STK32B: variants seen among roughly 807,000 people sequenced by gnomAD.
STK32B encodes serine/threonine-protein kinase 32B.
Under a neutral mutation model 52.6 loss-of-function variants are expected in STK32B, and 43 were observed. The ratio of observed to expected loss-of-function variants is 0.82; its 90% CI spans 0.64 to 1.05. The LOEUF is 1.05. Among genes scored for constraint, STK32B ranks in the 50% least tolerant of loss-of-function variants. The pLI, the probability that STK32B is intolerant of heterozygous loss-of-function variation, is 0.00. For synonymous variants in STK32B, 238 were observed against 204.3 expected (o/e 1.17, Z -1.41); for missense variants, 621 against 534.6 (o/e 1.16, Z -1.59).
At chr4:5,457,827 G>T (rs1005899743) in intron 8 of STK32B, among the ~76,000 whole-genome samples, 1 of 148,534 alleles carries the variant, frequency 6.7e-6, no homozygotes, top group Non-Finnish European at 1.5e-5. Flanking sequence ...AGCCAAGATC[G>T]CACCATTGCA....
intron 3 of STK32B, among the ~76,000 whole-genome samples, chr4:5,319,300 C>G (rs28638108): frequency 0.013 from 2,036 of 152,272 alleles, 23 homozygotes; most frequent in South Asian, 0.057. Flanking sequence ...GGTTTGTGTG[C>G]TCTCCTGAAT....
intron 3 of STK32B, among the ~76,000 whole-genome samples, chr4:5,311,131 G>A (rs1157343275): frequency 6.6e-6 from 1 of 152,136 alleles, no homozygotes; most frequent in African/African-American, 2.4e-5. Context: ...TAAGTCCTAT[G>A]TAGATGTGGT....
At chr4:5,375,665 T>A (rs1735541492) in intron 4 of STK32B, among the ~76,000 whole-genome samples, 1 of 152,232 alleles carries the variant, frequency 6.6e-6, no homozygotes, top group East Asian at 1.9e-4. Flanking sequence ...TCCTCTTTGC[T>A]GCCTTTGTTT....
intron 2 of STK32B, among the ~76,000 whole-genome samples, chr4:5,166,239 T>G (rs1279061020): frequency 6.6e-6 from 1 of 151,902 alleles, no homozygotes; most frequent in Non-Finnish European, 1.5e-5. Flanking sequence ...AAGGCCACAC[T>G]GTGGGTGAAA....
At chr4:5,427,007 A>T (rs1713163882) in intron 6 of STK32B, 3 of 152,202 alleles carry the variant, frequency 2.0e-5, no homozygotes, top group African/African-American at 7.2e-5. Context: ...TTAAAAGCTG[A>T]AGTTTTAAAT....
At chr4:5,491,576 A>C (rs1054432335) in intron 11 of STK32B, among the ~76,000 whole-genome samples, 8 of 151,916 alleles carry the variant, frequency 5.3e-5, no homozygotes, top group East Asian at 1.9e-4. Context: ...GAAGCTCTTT[A>C]GTTTAATGAG....
At chr4:5,352,426 G>A (rs1733885470) in intron 4 of STK32B, among the ~76,000 whole-genome samples, 1 of 151,780 alleles carries the variant, frequency 6.6e-6, no homozygotes, top group Admixed American at 6.6e-5. Context: ...AATAGACTAG[G>A]CATAGAAGAA....
intron 2 of STK32B, among the ~76,000 whole-genome samples, chr4:5,166,338 G>C (rs1023010718): frequency 5.3e-5 from 8 of 151,700 alleles, no homozygotes; most frequent in African/African-American, 1.5e-4. Flanking sequence ...TCCTCTCTCT[G>C]TGAAGCGGGG....
At chr4:5,366,294 C>T (rs1020299136) in intron 4 of STK32B, among the ~76,000 whole-genome samples, 1 of 152,054 alleles carries the variant, frequency 6.6e-6, no homozygotes, top group Non-Finnish European at 1.5e-5. Flanking sequence ...GGGTGTGTTC[C>T]TTCACAGTTC....
At chr4:5,433,574 A>G (rs1713776643) in intron 6 of STK32B, among the ~76,000 whole-genome samples, 1 of 152,190 alleles carries the variant, frequency 6.6e-6, no homozygotes, top group Admixed American at 6.5e-5. Context: ...TTCCTTGTCT[A>G]TAACATTTAA....
At chr4:5,275,689 A>G (rs1357762980) in intron 3 of STK32B, among the ~76,000 whole-genome samples, 1 of 151,870 alleles carries the variant, frequency 6.6e-6, no homozygotes, top group African/African-American at 2.4e-5. Flanking sequence ...ACCTGGGGGA[A>G]TGGATGGAGG....
chr4:5,211,614 A>G lies in STK32B; in HGVS notation c.260+43164A>G, dbSNP rs75909205. Among the ~76,000 whole-genome samples the G allele has an allele frequency of 2.1e-3, 315 of 152,276 alleles. 7 individuals carry two copies. In the East Asian group the frequency reaches 0.051, roughly 24 times the overall value. On this transcript the variant is annotated intron_variant, in intron 3 of 11. Transcript: ENST00000282908. ...TGGAAGCTTATTTGCTTGCGGAATA[A>G]GAGGCTGTGAAATGTGGCCCATCTC...
chr4:5,131,344 G>C (rs1293835834), intron 1 of STK32B, among the ~76,000 whole-genome samples: 1 of 152,192 alleles, frequency 6.6e-6, no homozygotes, highest in Non-Finnish European at 1.5e-5. Context: ...TGCTTCCCTA[G>C]TTACCGTCAT....
At chr4:5,482,482 T>C (rs1718796033) in intron 11 of STK32B, among the ~76,000 whole-genome samples, 2 of 152,152 alleles carry the variant, frequency 1.3e-5, no homozygotes, top group Admixed American at 6.5e-5. Flanking sequence ...AAGGAGATTT[T>C]GGGCTGAGAT....
In STK32B at chr4:5,446,598, C is replaced by T. The variant is rs1011765360; in HGVS notation, c.563-75C>T. Reference sequence around the variant, plus strand: ...AAAAAAAACAAGCTCAATTTCTCTCCTTGTCCCCTCTCTAAGGGGTGGTGG... The same window carrying T: ...AAAAAAAACAAGCTCAATTTCTCTCTTTGTCCCCTCTCTAAGGGGTGGTGG... On this transcript the variant is annotated intron_variant, in intron 6 of 11. Transcript: ENST00000282908. 3.1e-6 allele frequency: 4 copies of T among 1,291,010 alleles called. No homozygotes were observed. The African/African-American group carries it at 5.9e-5, about 19-fold the overall frequency. The allele number at this position is 1,291,010 out of a possible 1,614,324, so 80.0% of individuals were successfully genotyped here.
At chr4:5,195,414 C>T (rs1470049800) in intron 3 of STK32B, among the ~76,000 whole-genome samples, 1 of 152,082 alleles carries the variant, frequency 6.6e-6, no homozygotes, top group African/African-American at 2.4e-5. Flanking sequence ...TAGAATGGGC[C>T]GGGTGCAGTG....
intron 11 of STK32B, among the ~76,000 whole-genome samples, chr4:5,487,485 A>G (rs1054751369): frequency 2.6e-5 from 4 of 152,236 alleles, no homozygotes; most frequent in African/African-American, 9.6e-5. Context: ...GCCGAAGCCT[A>G]AGGGCAACAA....
At chr4:5,179,720 T>G (rs73212013) in intron 3 of STK32B, among the ~76,000 whole-genome samples, 3 of 151,612 alleles carry the variant, frequency 2.0e-5, no homozygotes, top group African/African-American at 7.3e-5. Context: ...TCAGGAGTTA[T>G]TTTGTTATGA....
chr4:5,125,025 G>A (rs1332856037), intron 1 of STK32B, among the ~76,000 whole-genome samples: 1 of 152,128 alleles, frequency 6.6e-6, no homozygotes, highest in Non-Finnish European at 1.5e-5. Context: ...AGCGGAAGAG[G>A]GATTTGTTGC....
Sources: gnomAD v4.1 joint callset for allele counts (sites outside exome capture counted in the v4.1 genomes callset) on GRCh38, gnomAD v4.1.1 for gene constraint, MANE v1.5 for transcripts, NCBI Gene and HGNC (gene_info 2026-07-23, HGNC 2026-07-21) for gene names.